TMC1: variants seen among roughly 807,000 people sequenced by gnomAD.
TMC1 encodes the protein transmembrane channel like 1, also known as transmembrane channel-like protein 1.
Under a neutral mutation model 105.8 loss-of-function variants are expected in TMC1, and 84 were observed. The observed-to-expected ratio is 0.79, with a 90% CI of 0.67 to 0.95. TMC1 has a LOEUF of 0.95. Among genes scored for constraint, TMC1 ranks in the 40% least tolerant of loss-of-function variants. TMC1 has a pLI of 0.00. For synonymous variants in TMC1, 315 were observed against 311.5 expected (o/e 1.01, Z -0.12); for missense variants, 817 against 914.1 (o/e 0.89, Z 1.37).
chr9:72,716,511 C>T (rs2117929636), intron 8 of TMC1, among the ~76,000 whole-genome samples: 1 of 152,238 alleles, frequency 6.6e-6, no homozygotes, highest in Middle Eastern at 3.4e-3. Flanking sequence ...CCTTACTGAG[C>T]TGTGGTGAGC....
At chr9:72,522,803 G>A (rs1015330708) in intron 1 of TMC1, among the ~76,000 whole-genome samples, 2 of 152,182 alleles carry the variant, frequency 1.3e-5, no homozygotes, top group African/African-American at 4.8e-5. Flanking sequence ...CTGGAACAGC[G>A]CTGAATAGGG....
At chr9:72,694,826 C>G in intron 7 of TMC1, 112 bp downstream of exon 7, 1 of 1,009,956 alleles carries the variant, frequency 9.9e-7, no homozygotes, top group Non-Finnish European at 1.5e-6. Flanking sequence ...GAAAGAGAGC[C>G]TTAATCTGAT....
chr9:72,830,988 C>A lies in TMC1; in HGVS notation c.2260+306C>A, dbSNP rs4330753. ...ATGAAGAAATCCCCCATATAGTCGT[C>A]TACAAACAGCAGATACAAATGCAGA... On this transcript the variant is annotated intron_variant, in intron 23 of 23. Coordinates refer to ENST00000297784, the MANE Select transcript of TMC1 (RefSeq NM_138691.3). Among the ~76,000 whole-genome samples the A allele has an allele frequency of 0.31, 46,747 of 151,940 alleles. 8,550 individuals carry two copies. Among genetic ancestry groups the A allele is most frequent in the African/African-American group, 0.51 (21,068 of 41,408 alleles).
intron 1 of TMC1, among the ~76,000 whole-genome samples, chr9:72,530,934 C>T (rs184237079): frequency 6.6e-6 from 1 of 151,178 alleles, no homozygotes; most frequent in East Asian, 2.0e-4. Flanking sequence ...CATTCTCCTG[C>T]CTCAGCCTCT....
At chr9:72,661,221 A>T (rs764359825) in intron 5 of TMC1, among the ~76,000 whole-genome samples, 14 of 152,160 alleles carry the variant, frequency 9.2e-5, no homozygotes, top group Non-Finnish European at 1.5e-4. Context: ...TCAGCCATGG[A>T]TCATGTTTTC....
At chr9:72,692,409 C>T (rs1826480765) in intron 6 of TMC1, among the ~76,000 whole-genome samples, 1 of 152,146 alleles carries the variant, frequency 6.6e-6, no homozygotes, top group East Asian at 1.9e-4. Context: ...TTGTGTTCAT[C>T]TAGGGTTCAG....
intron 18 of TMC1, among the ~76,000 whole-genome samples, chr9:72,813,781 G>T (rs1828740392): frequency 6.6e-6 from 1 of 152,218 alleles, no homozygotes; most frequent in Non-Finnish European, 1.5e-5. Context: ...AGCCTAATGA[G>T]ATAAGTGACC....
intron 1 of TMC1, among the ~76,000 whole-genome samples, chr9:72,535,115 C>T (rs6560285): frequency 0.52 from 79,628 of 151,810 alleles, 21,821 homozygotes; most frequent in African/African-American, 0.69. Context: ...TGCTGCTTAA[C>T]GCTATATTTA....
intron 8 of TMC1, among the ~76,000 whole-genome samples, chr9:72,708,547 T>C (rs1345134905): frequency 2.6e-5 from 4 of 152,066 alleles, no homozygotes; most frequent in African/African-American, 7.2e-5. Flanking sequence ...AGGGGTTGAA[T>C]AGTTGATTTG....
At chr9:72,750,771 G>T (rs1012666991) in intron 10 of TMC1, among the ~76,000 whole-genome samples, 1 of 152,010 alleles carries the variant, frequency 6.6e-6, no homozygotes, top group South Asian at 2.1e-4. Flanking sequence ...TTTACCATGG[G>T]TTGAGAGGCC....
At chr9:72,659,057 G>A (rs1825929552) in intron 5 of TMC1, among the ~76,000 whole-genome samples, 1 of 152,152 alleles carries the variant, frequency 6.6e-6, no homozygotes, top group Admixed American at 6.6e-5. Context: ...GAGTGGAGAG[G>A]AAATATAAAT....
intron 5 of TMC1, among the ~76,000 whole-genome samples, chr9:72,678,607 T>C (rs1381689482): frequency 1.3e-5 from 2 of 152,022 alleles, no homozygotes; most frequent in Non-Finnish European, 2.9e-5. Flanking sequence ...GGATCTTAAT[T>C]TTTAGCTTTT....
rs75047732 is a variant in TMC1, at chr9:72,791,610, A to G, written c.1225-276A>G. Among the ~76,000 whole-genome samples, 13,166 of 152,256 alleles carry G rather than the reference A, an allele frequency of 0.086. 678 individuals carry two copies. Among genetic ancestry groups the G allele is most frequent in the Non-Finnish European group, 0.13 (8,676 of 67,986 alleles). On this transcript the variant is annotated intron_variant, in intron 15 of 23. Coordinates refer to ENST00000297784, the MANE Select transcript of TMC1 (RefSeq NM_138691.3). ...ATAGAACAATATGTGTTCTCTGTGTAGAGACTGATGTAAATTGCCACCTTC... is the reference window on the plus strand; with the variant it reads ...ATAGAACAATATGTGTTCTCTGTGTGGAGACTGATGTAAATTGCCACCTTC...
chr9:72,742,627 G>GAAAC (rs146170244), intron 10 of TMC1, 102 bp downstream of exon 10: 15 of 978,176 alleles, frequency 1.5e-5, no homozygotes, highest in Middle Eastern at 2.1e-4. Flanking sequence ...GGGAAGACTA[G>GAAAC]AAACAAACAA....
At chr9:72,609,737 C>T (rs1269300168) in intron 2 of TMC1, among the ~76,000 whole-genome samples, 1 of 152,170 alleles carries the variant, frequency 6.6e-6, no homozygotes, top group Non-Finnish European at 1.5e-5. Context: ...TCTTCTTCAA[C>T]ATCTAACTAT....
chr9:72,522,851 A>T (rs556897252), intron 1 of TMC1, among the ~76,000 whole-genome samples: 2 of 152,330 alleles, frequency 1.3e-5, no homozygotes, highest in African/African-American at 4.8e-5. Context: ...GCAGTTTCTC[A>T]ACCTTAGCAC....
chr9:72,605,974 T>A (rs779786713), intron 2 of TMC1, among the ~76,000 whole-genome samples: 16 of 152,200 alleles, frequency 1.1e-4, no homozygotes, highest in Non-Finnish European at 2.2e-4. Flanking sequence ...GCTGTATGGC[T>A]TCATTTAACC....
intron 12 of TMC1, among the ~76,000 whole-genome samples, chr9:72,760,975 C>T (rs1039074384): frequency 2.0e-5 from 3 of 152,152 alleles, no homozygotes; most frequent in Non-Finnish European, 4.4e-5. Flanking sequence ...CCATACACAA[C>T]ATGCATGATC....
At chr9:72,668,448 C>A (rs192073561) in intron 5 of TMC1, among the ~76,000 whole-genome samples, 8 of 152,170 alleles carry the variant, frequency 5.3e-5, no homozygotes, top group African/African-American at 1.9e-4. Flanking sequence ...AGTGAATTAA[C>A]GAGTGAATTA....
Sources: gnomAD v4.1 joint callset for allele counts (sites outside exome capture counted in the v4.1 genomes callset) on GRCh38, gnomAD v4.1.1 for gene constraint, MANE v1.5 for transcripts, NCBI Gene and HGNC (gene_info 2026-07-23, HGNC 2026-07-21) for gene names.